Variants in COMMD1 observed in about 807,000 individuals in gnomAD.
COMMD1 encodes the protein COMM domain-containing protein 1.
In COMMD1, 10 loss-of-function variants were observed where a neutral mutation model predicts 17.2. That is an observed-to-expected ratio of 0.58 (90% CI 0.36 to 0.99). The LOEUF is 0.99. Ranked by LOEUF, COMMD1 falls within the 50% of genes least tolerant of loss-of-function variation. COMMD1 has a pLI of 0.01. For synonymous variants in COMMD1, 97 were observed against 91.6 expected, an observed-to-expected ratio of 1.06 and a Z score of -0.34; for missense variants, 270 against 231.8, an observed-to-expected ratio of 1.17 and a Z score of -1.07.
chr2:62,069,513 G>A (rs1259575892), intron 2 of COMMD1: 3 of 152,152 alleles, frequency 2.0e-5, no homozygotes, highest in Admixed American at 6.5e-5. Flanking sequence ...AGTATTAGGA[G>A]TAGCAACTCA....
intron 1 of COMMD1, among the ~76,000 whole-genome samples, chr2:61,923,344 T>C (rs927134270): frequency 5.9e-5 from 9 of 152,146 alleles, no homozygotes; most frequent in African/African-American, 9.7e-5. Context: ...CATTAAACTA[T>C]GTGCAAAGTA....
chr2:61,911,896 C>T (rs1396318011), intron 1 of COMMD1, among the ~76,000 whole-genome samples: 1 of 152,164 alleles, frequency 6.6e-6, no homozygotes, highest in African/African-American at 2.4e-5. Flanking sequence ...TTTCTCATTT[C>T]CAGCACTCTA....
intron 1 of COMMD1, among the ~76,000 whole-genome samples, chr2:61,916,171 A>T (rs755409985): frequency 6.6e-6 from 1 of 152,110 alleles, no homozygotes; most frequent in Non-Finnish European, 1.5e-5. Flanking sequence ...CATGTTGCCC[A>T]GGCCGGTCTC....
upstream of COMMD1, among the ~76,000 whole-genome samples, chr2:61,902,361 C>T (rs1281222886): frequency 6.6e-6 from 1 of 151,664 alleles, no homozygotes; most frequent in Non-Finnish European, 1.5e-5. Context: ...CAAAAATTAG[C>T]CAGGTGTGGT....
rs148870175 is a variant in COMMD1 at position 61,927,873 on chromosome 2, A to G, written c.180+22015A>G. Among the ~76,000 whole-genome samples, 24 of 151,842 alleles carry G rather than the reference A, an allele frequency of 1.6e-4. No homozygotes were observed. In the East Asian group the frequency reaches 4.7e-3, roughly 30 times the overall value. On this transcript the variant is annotated intron_variant, in intron 1 of 2. Transcript: ENST00000311832. ...TCTGCCTCCTGGGTTCAAGTGATTT[A>G]CCTGTCTCCGCCTCTCGAGTAGCTG...
intron 2 of COMMD1, among the ~76,000 whole-genome samples, chr2:62,099,569 C>G (rs1175851938): frequency 6.6e-6 from 1 of 151,732 alleles, no homozygotes; most frequent in Admixed American, 6.6e-5. Flanking sequence ...TTTGCTATCT[C>G]TCTCTTTTTT....
chr2:62,024,133 T>A (rs540564585), intron 2 of COMMD1, among the ~76,000 whole-genome samples: 22 of 152,372 alleles, frequency 1.4e-4, no homozygotes, highest in African/African-American at 4.6e-4. Flanking sequence ...ATAAATATTT[T>A]GCATAGGAAA....
At chr2:62,001,442 A>T (rs185512360) in intron 2 of COMMD1, among the ~76,000 whole-genome samples, 7 of 152,322 alleles carry the variant, frequency 4.6e-5, no homozygotes, top group African/African-American at 9.6e-5. Context: ...TAAATGTGCT[A>T]TCTCTGTCCT....
At chr2:61,940,347 A>G (rs1333461757) in intron 1 of COMMD1, among the ~76,000 whole-genome samples, 2 of 152,192 alleles carry the variant, frequency 1.3e-5, no homozygotes, top group Non-Finnish European at 2.9e-5. Context: ...TTCATAAGAC[A>G]TTTAGGTAAA....
chr2:61,940,316 C>T (rs1434574248), intron 1 of COMMD1, among the ~76,000 whole-genome samples: 1 of 152,180 alleles, frequency 6.6e-6, no homozygotes, highest in East Asian at 1.9e-4. Flanking sequence ...AAACATCCCC[C>T]AGTCACATAC....
At chr2:61,888,522 T>C (rs1327155857), upstream of COMMD1, 14 of 1,608,580 alleles carry the variant, frequency 8.7e-6, no homozygotes, top group Non-Finnish European at 1.2e-5. Flanking sequence ...AACTCCGCTG[T>C]GTCTGGGTTG....
chr2:61,926,128 G>T (rs1274790096), intron 1 of COMMD1, among the ~76,000 whole-genome samples: 1 of 151,748 alleles, frequency 6.6e-6, no homozygotes, highest in Admixed American at 6.6e-5. Context: ...CTACCACCAC[G>T]CCTGGCTAAT....
intron 2 of COMMD1, among the ~76,000 whole-genome samples, chr2:62,135,340 C>T (rs1176350428): frequency 6.6e-6 from 1 of 151,812 alleles, no homozygotes; most frequent in Non-Finnish European, 1.5e-5. Context: ...ATATGAAACA[C>T]CATCATAAAA....
At chr2:61,932,102 C>T (rs1248119633) in intron 1 of COMMD1, among the ~76,000 whole-genome samples, 1 of 152,220 alleles carries the variant, frequency 6.6e-6, no homozygotes, top group Non-Finnish European at 1.5e-5. Context: ...TCAATTGACA[C>T]CCCTACATTG....
chr2:61,933,181 C>T (rs575204368), intron 1 of COMMD1, among the ~76,000 whole-genome samples: 8 of 151,932 alleles, frequency 5.3e-5, no homozygotes, highest in South Asian at 2.1e-4. Context: ...ATTTATCCAT[C>T]GTCTCTGATG....
intron 2 of COMMD1, among the ~76,000 whole-genome samples, chr2:62,085,683 T>A (rs1192824797): frequency 4.6e-5 from 7 of 151,712 alleles, no homozygotes; most frequent in Admixed American, 3.9e-4. Context: ...CTATAAAAAA[T>A]TTTTAAGAAA....
At chr2:62,000,385 T>C (rs4490164) in intron 1 of COMMD1, among the ~76,000 whole-genome samples, 18,809 of 151,646 alleles carry the variant, frequency 0.12, 2,820 homozygotes, top group African/African-American at 0.36. Context: ...GATTCTTGTG[T>C]CTCAGCCTCC....
At chr2:61,975,157 A>C in intron 1 of COMMD1, among the ~76,000 whole-genome samples, 1 of 54,458 alleles carries the variant, frequency 1.8e-5, no homozygotes, top group Non-Finnish European at 4.0e-5. Flanking sequence ...TAATTATTTG[A>C]CTCTAATTTT....
chr2:61,933,492 C>T (rs2103616354), intron 1 of COMMD1, among the ~76,000 whole-genome samples: 2 of 151,940 alleles, frequency 1.3e-5, no homozygotes, highest in East Asian at 3.9e-4. Context: ...TGGGGTTTAG[C>T]CGGAGCCCAG....
Sources: allele counts gnomAD v4.1 joint callset (sites outside exome capture counted in the v4.1 genomes callset), GRCh38; gene constraint gnomAD v4.1.1; transcripts MANE v1.5; gene names NCBI Gene and HGNC (gene_info 2026-07-23, HGNC 2026-07-21).